MPPED2: variants seen among roughly 807,000 people sequenced by gnomAD.
MPPED2 encodes metallophosphoesterase MPPED2.
Under a neutral mutation model 33.0 loss-of-function variants are expected in MPPED2, and 5 were observed. That is an observed-to-expected ratio of 0.15 (90% CI 0.08 to 0.32). The LOEUF (loss-of-function observed/expected upper bound fraction) is 0.32, where lower values mean the gene tolerates loss of function less well. Ranked by LOEUF, MPPED2 falls within the 10% of genes least tolerant of loss-of-function variation. MPPED2 has a pLI of 1.00. For synonymous variants in MPPED2, 136 were observed against 141.9 expected (o/e 0.96, Z 0.29); for missense variants, 275 against 372.1 (o/e 0.74, Z 2.15).
chr11:30,506,243 T>C (rs891752106), intron 3 of MPPED2, among the ~76,000 whole-genome samples: 1 of 152,090 alleles, frequency 6.6e-6, no homozygotes, highest in Admixed American at 6.6e-5. Context: ...TTCGCAATGT[T>C]GGCCAGGCTG....
At chr11:30,585,373 A>AGCGGCGCGCGCGGGCGGCCCCGGGG (rs1957414393) in intron 1 of MPPED2, among the ~76,000 whole-genome samples, 2 of 151,642 alleles carry the variant, frequency 1.3e-5, no homozygotes, top group African/African-American at 2.4e-5. Flanking sequence ...CCCGAGCGAG[A>AGCGGCGCGCGCGGGCGGCCCCGGGG]GCGGCGCGCG....
chr11:30,519,755 G>C (rs555349425), intron 3 of MPPED2, among the ~76,000 whole-genome samples: 6 of 151,582 alleles, frequency 4.0e-5, no homozygotes, highest in Non-Finnish European at 8.8e-5. Context: ...AGTAACCCCA[G>C]TACTATTATT....
chr11:30,537,272 G>C (rs1240612324), intron 2 of MPPED2, among the ~76,000 whole-genome samples: 1 of 152,138 alleles, frequency 6.6e-6, no homozygotes, highest in African/African-American at 2.4e-5. Flanking sequence ...GATTATAGGT[G>C]AAAAGAAGCA....
chr11:30,584,300 T>C (rs1957336386), intron 1 of MPPED2: 1 of 146,598 alleles, frequency 6.8e-6, no homozygotes, highest in Non-Finnish European at 1.5e-5. Flanking sequence ...TCTAGGGTGG[T>C]GGGCAGTTGC....
intron 2 of MPPED2, among the ~76,000 whole-genome samples, chr11:30,543,966 G>A (rs949309615): frequency 6.6e-6 from 1 of 152,150 alleles, no homozygotes; most frequent in South Asian, 2.1e-4. Context: ...CTGAACTGCT[G>A]TATCAACACT....
exon 7 of MPPED2, chr11:30,386,621 G>A: frequency 5.0e-6 from 2 of 398,066 alleles, no homozygotes. Flanking sequence ...ACCTAGAACA[G>A]TGTCTAGCAC....
intron 4 of MPPED2, among the ~76,000 whole-genome samples, chr11:30,493,922 C>T (rs535591607): frequency 1.5e-4 from 23 of 152,304 alleles, no homozygotes; most frequent in African/African-American, 5.1e-4. Flanking sequence ...TGACAACTGT[C>T]AACTGATACA....
chr11:30,560,017 A>T (rs532101710), intron 2 of MPPED2, among the ~76,000 whole-genome samples: 3 of 152,348 alleles, frequency 2.0e-5, no homozygotes, highest in Non-Finnish European at 2.9e-5. Context: ...ACTGTGTTAT[A>T]GGTTATCTAA....
chr11:30,469,678 GCCT>G (rs1014543987), intron 4 of MPPED2, among the ~76,000 whole-genome samples: 4 of 152,100 alleles, frequency 2.6e-5, no homozygotes, highest in African/African-American at 9.7e-5. Context: ...TTCAGAGAGT[GCCT>G]CCCCCAGGAG....
chr11:30,401,359 G>A (rs958869522), intron 6 of MPPED2, among the ~76,000 whole-genome samples: 1 of 152,126 alleles, frequency 6.6e-6, no homozygotes, highest in Non-Finnish European at 1.5e-5. Context: ...GCTAAGTAAA[G>A]TGCCCAGCAC....
chr11:30,470,150 G>GGAT (rs749428305), intron 4 of MPPED2, among the ~76,000 whole-genome samples: 5 of 151,982 alleles, frequency 3.3e-5, no homozygotes, highest in Admixed American at 6.6e-5. Context: ...GGTACACATA[G>GGAT]GATGGTCCAT....
At chr11:30,438,324 C>T (rs1949413874) in intron 4 of MPPED2, among the ~76,000 whole-genome samples, 3 of 152,152 alleles carry the variant, frequency 2.0e-5, no homozygotes, top group African/African-American at 7.2e-5. Flanking sequence ...CACATTTGTC[C>T]TCTAGTTAAT....
chr11:30,527,974 A>G (rs1373641644), intron 3 of MPPED2, among the ~76,000 whole-genome samples: 1 of 152,186 alleles, frequency 6.6e-6, no homozygotes, highest in Non-Finnish European at 1.5e-5. Context: ...CTTCACAGCA[A>G]TCTTTAGAGG....
rs552552907 is a variant in MPPED2, at chr11:30,418,072, C to CT, written c.537-440dup. On this transcript the variant is annotated intron_variant, in intron 4 of 6. Coordinates refer to ENST00000358117, the MANE Select transcript of MPPED2 (RefSeq NM_001584.3). ...GAGGAGGGAGGAGAAAATCTTTCTA[C>CT]TTTTCCAGAAAGATTCTCACTAAAG... is the stretch of plus-strand genomic sequence containing the variant. Among the ~76,000 whole-genome samples, 1,010 of 152,264 alleles carry CT rather than the reference C, an allele frequency of 6.6e-3. 8 individuals carry two copies. The highest frequency in any genetic ancestry group is 0.023 in the African/African-American group (967 of 41,560).
At chr11:30,445,686 T>A (rs1401534683) in intron 4 of MPPED2, among the ~76,000 whole-genome samples, 1 of 152,230 alleles carries the variant, frequency 6.6e-6, no homozygotes, top group East Asian at 1.9e-4. Flanking sequence ...AAGTACCTCA[T>A]ACAAGTGGAA....
At chr11:30,538,029 TG>T (rs1954905910) in intron 2 of MPPED2, among the ~76,000 whole-genome samples, 1 of 152,180 alleles carries the variant, frequency 6.6e-6, no homozygotes, top group Non-Finnish European at 1.5e-5. Context: ...CTGCTGGGGC[TG>T]ACTGTGTCAC....
intron 6 of MPPED2, among the ~76,000 whole-genome samples, chr11:30,413,765 A>T (rs1274982021): frequency 6.6e-6 from 1 of 152,210 alleles, no homozygotes; most frequent in Non-Finnish European, 1.5e-5. Flanking sequence ...TTTTCAGAGA[A>T]TGCCTTGTCT....
exon 7 of MPPED2, chr11:30,388,854 A>G: frequency 6.6e-7 from 1 of 1,526,686 alleles, no homozygotes; most frequent in Non-Finnish European, 8.8e-7. Context: ...TCATCAGATC[A>G]TCAATTAATT....
intron 2 of MPPED2, among the ~76,000 whole-genome samples, chr11:30,553,169 C>T (rs1434108806): frequency 6.6e-6 from 1 of 152,106 alleles, no homozygotes; most frequent in Non-Finnish European, 1.5e-5. Context: ...ATCACTGTTC[C>T]ATCACCACTC....
Sources: gnomAD v4.1 joint callset for allele counts (sites outside exome capture counted in the v4.1 genomes callset) on GRCh38, gnomAD v4.1.1 for gene constraint, MANE v1.5 for transcripts, NCBI Gene and HGNC (gene_info 2026-07-23, HGNC 2026-07-21) for gene names.